The following CCDC60 variants were observed in gnomAD, a reference collection of about 807,000 sequenced individuals.
The protein encoded by CCDC60 is coiled-coil domain containing 60, also known as coiled-coil domain-containing protein 60.
In CCDC60, 54 loss-of-function variants were observed where a neutral mutation model predicts 63.5. That is an observed-to-expected ratio of 0.85 (90% CI 0.68 to 1.07). The LOEUF is 1.07. CCDC60 is among the 50% of genes least tolerant of loss of function. The pLI, the probability that CCDC60 is intolerant of heterozygous loss-of-function variation, is 0.00. For missense variants in CCDC60, 651 were observed against 684.3 expected (o/e 0.95, Z 0.54); for synonymous variants, 206 against 238.8 (o/e 0.86, Z 1.27).
At chr12:119,442,252 A>G (rs534628156) in intron 2 of CCDC60, among the ~76,000 whole-genome samples, 2 of 152,366 alleles carry the variant, frequency 1.3e-5, no homozygotes, top group East Asian at 3.9e-4. Context: ...GTACAGCTAT[A>G]TGTGACTTCA....
At chr12:119,454,028 C>T (rs1950681887) in intron 2 of CCDC60, among the ~76,000 whole-genome samples, 1 of 152,108 alleles carries the variant, frequency 6.6e-6, no homozygotes, top group Admixed American at 6.5e-5. Context: ...AACAATGTCC[C>T]AGGATGGCTA....
At chr12:119,507,557 T>TACACAC (rs1182568136) in intron 7 of CCDC60, among the ~76,000 whole-genome samples, 1 of 73,200 alleles carries the variant, frequency 1.4e-5, no homozygotes, top group African/African-American at 8.1e-5. Flanking sequence ...TATACATATA[T>TACACAC]ATATATATAT....
chr12:119,405,541 C>T (rs1003989748), intron 1 of CCDC60, among the ~76,000 whole-genome samples: 7 of 152,130 alleles, frequency 4.6e-5, no homozygotes, highest in African/African-American at 1.7e-4. Flanking sequence ...TAATGTAAAA[C>T]ATTCTCAGAT....
At chr12:119,474,966 A>G (rs1951143695) in intron 3 of CCDC60, among the ~76,000 whole-genome samples, 1 of 152,218 alleles carries the variant, frequency 6.6e-6, no homozygotes. Flanking sequence ...GTTCCAGGTG[A>G]TGGATGAGAA....
At chr12:119,471,163 G>A (rs1419319353) in intron 2 of CCDC60, among the ~76,000 whole-genome samples, 2 of 152,192 alleles carry the variant, frequency 1.3e-5, no homozygotes, top group South Asian at 2.1e-4. Context: ...AGCCCATCAC[G>A]ACTGAGAATG....
At chr12:119,477,189 C>G (rs1177651903) in intron 3 of CCDC60, among the ~76,000 whole-genome samples, 3 of 152,224 alleles carry the variant, frequency 2.0e-5, no homozygotes, top group African/African-American at 7.2e-5. Context: ...GCTGAGTGAG[C>G]ATCCCAGGAC....
chr12:119,400,713 C>T lies in CCDC60; in HGVS notation c.91-27970C>T, dbSNP rs371218078. On this transcript the variant is annotated intron_variant, in intron 1 of 13. Transcript: ENST00000327554. ...AGAATGTAGTCCATGAATTTGCAGG[C>T]GTAATAAGCTCCCAAATGATGCTGC... 3.3e-5 allele frequency among the ~76,000 whole-genome samples: 5 copies of T among 152,214 alleles called. No individual in the cohort carries two copies. In the South Asian group the frequency reaches 6.2e-4, roughly 19 times the overall value.
chr12:119,353,330 G>A (rs1046418741), intron 1 of CCDC60, among the ~76,000 whole-genome samples: 12 of 152,092 alleles, frequency 7.9e-5, no homozygotes, highest in Non-Finnish European at 1.5e-4. Flanking sequence ...AGGTCAGATG[G>A]CCCCTAAGTA....
intron 6 of CCDC60, among the ~76,000 whole-genome samples, chr12:119,503,219 G>C (rs578128211): frequency 3.3e-5 from 5 of 152,242 alleles, no homozygotes; most frequent in Admixed American, 2.0e-4. Flanking sequence ...TGAAGAGCCT[G>C]GTTCCTAGAG....
intron 1 of CCDC60, among the ~76,000 whole-genome samples, chr12:119,338,351 A>C (rs1313705021): frequency 6.6e-6 from 1 of 152,164 alleles, no homozygotes; most frequent in Admixed American, 6.5e-5. Flanking sequence ...GCATGTATTG[A>C]GTATGCATGC....
At chr12:119,375,048 G>A (rs7302195) in intron 1 of CCDC60, among the ~76,000 whole-genome samples, 15,574 of 152,098 alleles carry the variant, frequency 0.1, 1,556 homozygotes, top group East Asian at 0.56. Context: ...CCTGCCAACC[G>A]CCTATCTTTC....
At chr12:119,393,258 T>G (rs1956192429) in intron 1 of CCDC60, among the ~76,000 whole-genome samples, 1 of 152,234 alleles carries the variant, frequency 6.6e-6, no homozygotes, top group South Asian at 2.1e-4. Flanking sequence ...TGTGTTTTTG[T>G]TAAAATGAGA....
intron 1 of CCDC60, among the ~76,000 whole-genome samples, chr12:119,360,426 C>G (rs944774577): frequency 3.3e-5 from 5 of 151,000 alleles, no homozygotes; most frequent in Non-Finnish European, 7.4e-5. Flanking sequence ...AGGGTGGCTG[C>G]CGGGCGGAGA....
intron 1 of CCDC60, among the ~76,000 whole-genome samples, chr12:119,386,139 T>C (rs1343397604): frequency 6.6e-6 from 1 of 152,194 alleles, no homozygotes; most frequent in Non-Finnish European, 1.5e-5. Flanking sequence ...TTTTTGTTGT[T>C]TTGTTAAGGA....
chr12:119,537,499 T>G (rs1227395394), intron 13 of CCDC60, among the ~76,000 whole-genome samples: 2 of 152,218 alleles, frequency 1.3e-5, no homozygotes, highest in Non-Finnish European at 2.9e-5. Flanking sequence ...GTGCTCCAGT[T>G]TTTAGAATTT....
At chr12:119,513,050 A>AACCTC in intron 7 of CCDC60, among the ~76,000 whole-genome samples, 1 of 152,342 alleles carries the variant, frequency 6.6e-6, no homozygotes, top group South Asian at 2.1e-4. Context: ...ATCAAGGGAC[A>AACCTC]ACCTCACACT....
chr12:119,385,734 GTTGT>G (rs1246409954), intron 1 of CCDC60, among the ~76,000 whole-genome samples: 1 of 152,168 alleles, frequency 6.6e-6, no homozygotes, highest in African/African-American at 2.4e-5. Flanking sequence ...CATGGACTTG[GTTGT>G]TTGTGATTCT....
chr12:119,414,936 A>G (rs1041926315), intron 1 of CCDC60, among the ~76,000 whole-genome samples: 2 of 152,312 alleles, frequency 1.3e-5, no homozygotes, highest in African/African-American at 4.8e-5. Flanking sequence ...AACTTCATCT[A>G]TTCTTCCATT....
chr12:119,377,724 C>A (rs1955967595), intron 1 of CCDC60, among the ~76,000 whole-genome samples: 1 of 152,132 alleles, frequency 6.6e-6, no homozygotes, highest in Admixed American at 6.5e-5. Context: ...GTTTCAAAGT[C>A]TTTTCATTTT....
Sources: allele counts gnomAD v4.1 joint callset (sites outside exome capture counted in the v4.1 genomes callset), GRCh38; gene constraint gnomAD v4.1.1; transcripts MANE v1.5; gene names NCBI Gene and HGNC (gene_info 2026-07-23, HGNC 2026-07-21).